SUMF1: variants seen among roughly 807,000 people sequenced by gnomAD.
SUMF1 encodes the protein sulfatase modifying factor 1.
In SUMF1, 48 loss-of-function variants were observed where a neutral mutation model predicts 47.6. The ratio of observed to expected loss-of-function variants is 1.01; its 90% CI spans 0.80 to 1.28. The LOEUF is 1.28. Among genes scored for constraint, SUMF1 ranks in the 50% most tolerant of loss-of-function variants. The pLI, the probability that SUMF1 is intolerant of heterozygous loss-of-function variation, is 0.00. For missense variants in SUMF1, 571 were observed against 485.4 expected, an observed-to-expected ratio of 1.18 and a Z score of -1.66; for synonymous variants, 230 against 192.1, an observed-to-expected ratio of 1.20 and a Z score of -1.63.
At chr3:4,394,015 A>C (rs1275993367) in intron 7 of SUMF1, among the ~76,000 whole-genome samples, 1 of 152,212 alleles carries the variant, frequency 6.6e-6, no homozygotes, top group Non-Finnish European at 1.5e-5. Context: ...AATGTTCATG[A>C]GATAATTAAG....
intron 7 of SUMF1, among the ~76,000 whole-genome samples, chr3:4,395,718 T>C (rs1701018777): frequency 1.3e-5 from 2 of 152,212 alleles, no homozygotes; most frequent in Admixed American, 6.5e-5. Flanking sequence ...AAGAGAATTT[T>C]TGAAATTGTA....
intron 9 of SUMF1, among the ~76,000 whole-genome samples, chr3:4,047,978 G>A (rs1415430464): frequency 1.3e-5 from 2 of 151,970 alleles, no homozygotes; most frequent in Non-Finnish European, 2.9e-5. Context: ...TTATGGATGG[G>A]GAAACTTCCA....
intron 8 of SUMF1, chr3:4,313,252 G>A (rs1698490837): frequency 6.2e-7 from 1 of 1,613,844 alleles, no homozygotes; most frequent in Non-Finnish European, 8.5e-7. Context: ...ATATGCTGGT[G>A]AGGTTTTAGG....
intron 8 of SUMF1, among the ~76,000 whole-genome samples, chr3:4,231,407 T>C (rs1247424245): frequency 6.6e-5 from 10 of 152,160 alleles, no homozygotes; most frequent in African/African-American, 2.2e-4. Context: ...CAGAGAACTT[T>C]TCTCAAATAA....
chr3:4,403,660 T>A (rs115258006), intron 7 of SUMF1, among the ~76,000 whole-genome samples: 1 of 152,122 alleles, frequency 6.6e-6, no homozygotes, highest in African/African-American at 2.4e-5. Flanking sequence ...GGCCACTGAG[T>A]TGACACTTCA....
chr3:4,375,753 T>C (rs1281703588), intron 8 of SUMF1, among the ~76,000 whole-genome samples: 1 of 152,122 alleles, frequency 6.6e-6, no homozygotes, highest in African/African-American at 2.4e-5. Context: ...TATTTCCAAA[T>C]TCCTTATAAA....
chr3:4,463,045 A>C (rs2079854734), intron 1 of SUMF1, among the ~76,000 whole-genome samples: 1 of 152,238 alleles, frequency 6.6e-6, no homozygotes, highest in South Asian at 2.1e-4. Context: ...TTCCCAAGGC[A>C]GTTTCTCAAT....
chr3:4,041,611 A>G (rs960498807), intron 9 of SUMF1, among the ~76,000 whole-genome samples: 9 of 152,172 alleles, frequency 5.9e-5, no homozygotes, highest in Non-Finnish European at 1.2e-4. Context: ...CAGACCAGAC[A>G]CAAGTTGGGG....
intron 8 of SUMF1, among the ~76,000 whole-genome samples, chr3:4,321,139 G>T (rs1278852466): frequency 6.6e-6 from 1 of 152,118 alleles, no homozygotes; most frequent in African/African-American, 2.4e-5. Flanking sequence ...GATCCATGTG[G>T]TAATGGATCA....
Position 4,406,643 on chromosome 3 carries a change from G to C in SUMF1, c.954+4222C>G, listed in dbSNP as rs2124995332. Among the ~76,000 whole-genome samples, 2 of 152,324 alleles carry C rather than the reference G, an allele frequency of 1.3e-5. 1 individual carries two copies. Among genetic ancestry groups the C allele is most frequent in the South Asian group, 4.1e-4 (2 of 4,828 alleles). On this transcript the variant is annotated intron_variant, in intron 7 of 8. Transcript: ENST00000272902. ...CCACTGCACTCCATCCTGGGTGACA[G>C]AGCAAGCCTCCATCTCAAATAAAAC...
intron 9 of SUMF1, among the ~76,000 whole-genome samples, chr3:4,046,971 C>T (rs1695018979): frequency 1.3e-5 from 2 of 152,098 alleles, no homozygotes; most frequent in African/African-American, 4.8e-5. Flanking sequence ...ACCTCTGTCA[C>T]CGCATCGCTT....
chr3:4,463,120 A>G (rs1020349596), intron 1 of SUMF1, among the ~76,000 whole-genome samples: 1 of 152,252 alleles, frequency 6.6e-6, no homozygotes, highest in African/African-American at 2.4e-5. Context: ...CCTAAAATGT[A>G]TAAGGCACGT....
chr3:4,168,808 A>G (rs1299646123), intron 8 of SUMF1, among the ~76,000 whole-genome samples: 1 of 152,206 alleles, frequency 6.6e-6, no homozygotes, highest in African/African-American at 2.4e-5. Context: ...CACTTAGCAC[A>G]GTGCTGAACA....
rs139255183 is a variant in SUMF1 at position 4,061,093 on chromosome 3, C to T, written c.1191+7476G>A. Among the ~76,000 whole-genome samples, 340 of 152,236 alleles carry T rather than the reference C, an allele frequency of 2.2e-3. 1 individual carries two copies. The highest frequency in any genetic ancestry group is 7.7e-3 in the African/African-American group (320 of 41,548). ...AAAAACTTCAGACAAATTAACTTTA[C>T]CAGAGTTTAATTGAGCAAAGAATAA... On this transcript the variant is annotated intron_variant and NMD_transcript_variant, in intron 9 of 12. Coordinates refer to the SUMF1 transcript ENST00000448413.
chr3:4,182,861 T>C (rs1477980450), intron 8 of SUMF1, among the ~76,000 whole-genome samples: 1 of 152,136 alleles, frequency 6.6e-6, no homozygotes, highest in Non-Finnish European at 1.5e-5. Context: ...AGGTAAATTA[T>C]ATTCTATTTT....
chr3:4,083,084 C>T lies in SUMF1; in HGVS notation c.1015-14339G>A, dbSNP rs114946706. ...ACAATGGCAGGCCCTCCGGCTAGAT[C>T]AAAGTGCACCCCGTGGATAAACATG... On this transcript the variant is annotated intron_variant and NMD_transcript_variant, in intron 8 of 12. Transcript: ENST00000448413. Among the ~76,000 whole-genome samples the T allele has an allele frequency of 6.4e-3, 969 of 152,234 alleles. 10 individuals are homozygous for T. Among genetic ancestry groups the T allele is most frequent in the African/African-American group, 0.022 (921 of 41,506 alleles).
chr3:4,400,671 C>A (rs1242522832), intron 7 of SUMF1, among the ~76,000 whole-genome samples: 1 of 152,144 alleles, frequency 6.6e-6, no homozygotes, highest in African/African-American at 2.4e-5. Context: ...AGTGAGTTAA[C>A]CTCTCTTTTT....
Position 4,337,469 on chromosome 3 carries a change from G to A in SUMF1, c.1014+38861C>T, listed in dbSNP as rs964448676. ...TTTGCCAACTTTTGTTAGTCCTCTC[G>A]TCCAGACATATTTAATGCTCCCGGA... is the stretch of plus-strand genomic sequence containing the variant. On this transcript the variant is annotated intron_variant and NMD_transcript_variant, in intron 8 of 12. Coordinates refer to the SUMF1 transcript ENST00000448413. 1.1e-4 allele frequency among the ~76,000 whole-genome samples: 17 copies of A among 151,960 alleles called. 1 individual carries two copies. The highest frequency in any genetic ancestry group is 1.3e-4 in the Admixed American group (2 of 15,244).
At chr3:4,227,649 G>C (rs1696203660) in intron 8 of SUMF1, among the ~76,000 whole-genome samples, 1 of 152,108 alleles carries the variant, frequency 6.6e-6, no homozygotes, top group African/African-American at 2.4e-5. Flanking sequence ...ATGGTCTCTA[G>C]CCATTGCTCC....
Sources: gnomAD v4.1 joint callset for allele counts (sites outside exome capture counted in the v4.1 genomes callset) on GRCh38, gnomAD v4.1.1 for gene constraint, MANE v1.5 for transcripts, NCBI Gene and HGNC (gene_info 2026-07-23, HGNC 2026-07-21) for gene names.